Variants in CYP4B1 observed in about 807,000 individuals in gnomAD.
CYP4B1 encodes the protein cytochrome P450 family 4 subfamily B member 1.
Under a neutral mutation model 54.0 loss-of-function variants are expected in CYP4B1, and 45 were observed. The observed-to-expected ratio is 0.83, with a 90% CI of 0.66 to 1.07. The LOEUF (loss-of-function observed/expected upper bound fraction) is 1.07, where lower values mean the gene tolerates loss of function less well. Ranked by LOEUF, CYP4B1 falls within the 50% of genes least tolerant of loss-of-function variation. The pLI, the probability that CYP4B1 is intolerant of heterozygous loss-of-function variation, is 0.00. For synonymous variants in CYP4B1, 248 were observed against 247.5 expected, an observed-to-expected ratio of 1.00 and a Z score of -0.02; for missense variants, 656 against 655.4, an observed-to-expected ratio of 1.00 and a Z score of -0.01.
intron 3 of CYP4B1, chr1:46,812,102 T>A: frequency 2.2e-6 from 1 of 462,518 alleles, no homozygotes; most frequent in Non-Finnish European, 4.3e-6. Flanking sequence ...ATTCCCTAAG[T>A]CCTGAAGCTG....
chr1:46,800,713 G>A (rs962728917), intron 1 of CYP4B1, among the ~76,000 whole-genome samples: 3 of 152,120 alleles, frequency 2.0e-5, no homozygotes, highest in Non-Finnish European at 4.4e-5. Context: ...CAGTCTGGAT[G>A]GGGGCACTGC....
chr1:46,813,910 A>G lies in CYP4B1; in HGVS notation c.622A>G (p.Arg208Gly). 4 of 1,614,048 alleles carry G rather than the reference A, an allele frequency of 2.5e-6. No individual in the cohort carries two copies. Among genetic ancestry groups the G allele is most frequent in the Non-Finnish European group, 3.4e-6 (4 of 1,179,956 alleles). The change falls in exon 6 of 12, where the codon AGG becomes GGG. Residue 208 changes from arginine (R) to glycine (G), a missense_variant and splice_region_variant. Transcript: ENST00000371923. ...GRGDTGLGHS[R>G]DSSYYLAVSD... ...TCCCTCCTCCTACCCTCTGCTTAGC[A>G]GGGACAGCAGCTACTACCTTGCAGT...
chr1:46,802,190 G>GTGTGGGT (rs1557486913), intron 1 of CYP4B1, among the ~76,000 whole-genome samples: 5 of 151,176 alleles, frequency 3.3e-5, no homozygotes, highest in African/African-American at 1.2e-4. Context: ...GGTGTGTGTG[G>GTGTGGGT]GTGTGTGTGT....
intron 1 of CYP4B1, among the ~76,000 whole-genome samples, chr1:46,800,242 C>T (rs57074277): frequency 0.8 from 63,210 of 79,462 alleles, 24,836 homozygotes; most frequent in Non-Finnish European, 0.85. Flanking sequence ...TCTTTCTTTC[C>T]TTCCTTCCTT....
At chr1:46,805,647 A>G (rs1238147222) in intron 1 of CYP4B1, among the ~76,000 whole-genome samples, 1 of 152,190 alleles carries the variant, frequency 6.6e-6, no homozygotes, top group African/African-American at 2.4e-5. Flanking sequence ...CAGGCTCTCC[A>G]TGGCTCTGTT....
intron 11 of CYP4B1, 107 bp from the exon 12 acceptor site, chr1:46,818,524 T>C: frequency 8.5e-7 from 1 of 1,171,284 alleles, no homozygotes; most frequent in East Asian, 2.4e-5. Flanking sequence ...TATCAGCCAG[T>C]TATTCATCCA....
chr1:46,804,245 A>G (rs1678770517), intron 1 of CYP4B1, among the ~76,000 whole-genome samples: 1 of 152,074 alleles, frequency 6.6e-6, no homozygotes, highest in Non-Finnish European at 1.5e-5. Flanking sequence ...CAGGGAGTCA[A>G]CTGGGCTCAG....
intron 1 of CYP4B1, among the ~76,000 whole-genome samples, chr1:46,804,596 G>A (rs1393773560): frequency 6.6e-6 from 1 of 152,000 alleles, no homozygotes; most frequent in Non-Finnish European, 1.5e-5. Context: ...TCTTGGACAG[G>A]CCCTGCATGC....
At chr1:46,812,990 C>T (rs4646484) in intron 4 of CYP4B1, among the ~76,000 whole-genome samples, 1 of 152,008 alleles carries the variant, frequency 6.6e-6, no homozygotes, top group African/African-American at 2.4e-5. Flanking sequence ...ACATCTAAAA[C>T]GTGTCTCCTC....
chr1:46,803,207 C>T (rs1486490403), intron 1 of CYP4B1, among the ~76,000 whole-genome samples: 1 of 152,180 alleles, frequency 6.6e-6, no homozygotes, highest in Non-Finnish European at 1.5e-5. Flanking sequence ...ATCACTTTGG[C>T]TTCAAGGTGG....
intron 1 of CYP4B1, among the ~76,000 whole-genome samples, chr1:46,809,448 A>C (rs1679008060): frequency 6.6e-6 from 1 of 152,222 alleles, no homozygotes; most frequent in African/African-American, 2.4e-5. Context: ...TGTGAGAGAG[A>C]ATTTTACGGA....
rs1679194034 is a variant in CYP4B1 at position 46,813,462 on chromosome 1, C to T, written c.496-20C>T. 1.2e-6 allele frequency: 2 copies of T among 1,614,020 alleles called. No homozygotes were observed. The highest frequency in any genetic ancestry group is 1.1e-5 in the South Asian group (1 of 91,080). Reference sequence around the variant, plus strand: ...CCCTGCATCGCCTCCTACACATTGCCTCCTATCCCTGGACTCCAGGACAAG... The same window carrying T: ...CCCTGCATCGCCTCCTACACATTGCTTCCTATCCCTGGACTCCAGGACAAG... On this transcript the variant is annotated intron_variant, in intron 4 of 11. Transcript: ENST00000371923.
At chr1:46,800,217 CTT>C (rs1424780660) in intron 1 of CYP4B1, among the ~76,000 whole-genome samples, 57,800 of 84,378 alleles carry the variant, frequency 0.69, 22,494 homozygotes, top group Non-Finnish European at 0.77. Context: ...CTTTCTTTCT[CTT>C]TCTCTCTTTC....
At chr1:46,812,360 G>A in intron 3 of CYP4B1, 136 bp from the exon 4 acceptor site, 2 of 976,598 alleles carry the variant, frequency 2.0e-6, no homozygotes, top group Non-Finnish European at 3.2e-6. Flanking sequence ...TGAGGGCATG[G>A]AGGGCAATAC....
In CYP4B1 at chr1:46,817,977, C is replaced by G; in HGVS notation, c.1220C>G (p.Ser407Cys). ...GTTCTGCCCACAGGAAGCCTGATCT[C>G]TATGCATATCTATGCCCTCCATAGG... ...GRSLPAGSLI[S>C]MHIYALHRNS... The change falls in exon 10 of 12, where the codon TCT becomes TGT. Residue 407 changes from serine to cysteine, a missense_variant. Coordinates refer to ENST00000371923, the MANE Select transcript of CYP4B1 (RefSeq NM_001099772.2). The G allele has an allele frequency of 1.2e-6, 2 of 1,614,168 alleles. No individual in the cohort carries two copies. The highest frequency in any genetic ancestry group is 1.7e-6 in the Non-Finnish European group (2 of 1,180,002).
chr1:46,810,919 G>T lies in CYP4B1; in HGVS notation c.292G>T (p.Asp98Tyr). Reference protein sequence around the residue: ...FIGFLNIYEPDYAKAVYSRGD... With the variant: ...FIGFLNIYEPYYAKAVYSRGD... ...TGGCTTCCTGAACATCTATGAGCCT[G>T]ACTATGCCAAAGCTGTGTACAGCCG... is the stretch of plus-strand genomic sequence containing the variant. Residue 98 changes from aspartate to tyrosine, a missense_variant, in exon 2 of 12, where the codon GAC becomes TAC. Coordinates refer to ENST00000371923, the MANE Select transcript of CYP4B1 (RefSeq NM_001099772.2). 1 of 1,614,126 alleles carries T rather than the reference G, an allele frequency of 6.2e-7. No individual in the cohort carries two copies. Among genetic ancestry groups the T allele is most frequent in the Non-Finnish European group, 8.5e-7 (1 of 1,180,026 alleles).
Position 46,812,477 on chromosome 1 carries a change from T to C in CYP4B1, c.368-19T>C, listed in dbSNP as rs1208432621. ...AGGGCCTGGACTGACCAGCCCTCTC[T>C]CTCCCATCCCTTCCCCAGGGAGAGG... is the stretch of plus-strand genomic sequence containing the variant. On this transcript the variant is annotated intron_variant, in intron 3 of 11. Transcript: ENST00000371923. 1.2e-6 allele frequency: 2 copies of C among 1,605,586 alleles called. No individual in the cohort carries two copies.
intron 9 of CYP4B1, 80 bp downstream of exon 9, chr1:46,817,261 T>A: frequency 6.4e-7 from 1 of 1,572,742 alleles, no homozygotes; most frequent in Non-Finnish European, 8.7e-7. Flanking sequence ...GTCAAATCTT[T>A]GCACTTTTGG....
chr1:46,815,002 C>G, intron 7 of CYP4B1, 72 bp from the exon 8 acceptor site: 1 of 1,384,910 alleles, frequency 7.2e-7, no homozygotes, highest in Non-Finnish European at 1.0e-6. Context: ...ATTTGACAAC[C>G]ACCATTATGA....
Sources: allele counts gnomAD v4.1 joint callset (sites outside exome capture counted in the v4.1 genomes callset), GRCh38; gene constraint gnomAD v4.1.1; transcripts MANE v1.5; gene names NCBI Gene and HGNC (gene_info 2026-07-23, HGNC 2026-07-21).